Variants in TMEM117 observed in about 807,000 individuals in gnomAD.
TMEM117 encodes transmembrane protein 117.
TMEM117 carries 27 observed loss-of-function variants against 52.4 expected under a neutral mutation model. That is an observed-to-expected ratio of 0.51 (90% CI 0.38 to 0.71). The LOEUF is 0.71. Among genes scored for constraint, TMEM117 ranks in the 30% least tolerant of loss-of-function variants. The probability of loss-of-function intolerance (pLI) is 0.00; values close to 1 mark genes in which losing one functional copy is unlikely to be tolerated. For missense variants in TMEM117, 556 were observed against 630.5 expected (o/e 0.88, Z 1.26); for synonymous variants, 215 against 206.3 (o/e 1.04, Z -0.36).
At chr12:44,359,949 C>A (rs905580880) in intron 6 of TMEM117, among the ~76,000 whole-genome samples, 2 of 152,068 alleles carry the variant, frequency 1.3e-5, no homozygotes, top group Non-Finnish European at 2.9e-5. Context: ...AATTCAATTT[C>A]TTTGGTAGTA....
chr12:44,390,810 G>T (rs1226585341), downstream of TMEM117, among the ~76,000 whole-genome samples: 6 of 151,766 alleles, frequency 4.0e-5, no homozygotes, highest in Non-Finnish European at 4.4e-5. Flanking sequence ...TTCTTCTTTT[G>T]CTGCCTCTTT....
At chr12:44,066,121 T>C (rs1428013086) in intron 3 of TMEM117, among the ~76,000 whole-genome samples, 1 of 152,150 alleles carries the variant, frequency 6.6e-6, no homozygotes, top group Non-Finnish European at 1.5e-5. Flanking sequence ...ATTTGAACAG[T>C]TGGGCCCTTG....
chr12:43,938,800 A>T (rs1592377926), intron 2 of TMEM117, among the ~76,000 whole-genome samples: 3 of 152,126 alleles, frequency 2.0e-5, no homozygotes. Flanking sequence ...GGAGTTCCAG[A>T]CCAGCCTGGC....
chr12:44,200,389 G>A (rs1949479077), intron 4 of TMEM117, among the ~76,000 whole-genome samples: 1 of 152,058 alleles, frequency 6.6e-6, no homozygotes, highest in Non-Finnish European at 1.5e-5. Context: ...TTGTATTTGG[G>A]GAAGACATTA....
chr12:43,984,848 G>A (rs1165949204), intron 3 of TMEM117, among the ~76,000 whole-genome samples: 3 of 151,978 alleles, frequency 2.0e-5, no homozygotes, highest in Non-Finnish European at 4.4e-5. Flanking sequence ...CCCACATACC[G>A]AAATGTCTTT....
the TMEM117 span, among the ~76,000 whole-genome samples, chr12:43,829,827 C>T: frequency 3.3e-5 from 5 of 152,114 alleles, no homozygotes; most frequent in Non-Finnish European, 7.4e-5. Context: ...CAGTGGCTCA[C>T]GCCTGTAATC....
chr12:43,876,522 G>T (rs1943798762), intron 2 of TMEM117, among the ~76,000 whole-genome samples: 1 of 152,126 alleles, frequency 6.6e-6, no homozygotes, highest in African/African-American at 2.4e-5. Flanking sequence ...ACAATTTATA[G>T]AAATTTTGCA....
chr12:44,382,469 G>C (rs896091858), intron 7 of TMEM117, among the ~76,000 whole-genome samples: 5 of 152,110 alleles, frequency 3.3e-5, no homozygotes, highest in African/African-American at 4.8e-5. Context: ...TGGGCACATT[G>C]TCTCAGAGTT....
chr12:43,810,198 G>A, the TMEM117 span, among the ~76,000 whole-genome samples: 3 of 152,146 alleles, frequency 2.0e-5, no homozygotes, highest in Non-Finnish European at 4.4e-5. Flanking sequence ...ACCCTGGGTT[G>A]GAAAAGTGCC....
chr12:43,804,005 A>G, the TMEM117 span: 1 of 195,754 alleles, frequency 5.1e-6, no homozygotes, highest in Admixed American at 5.5e-5. Context: ...ATCAATTTGT[A>G]GTTTGTTATA....
In TMEM117 at chr12:43,836,118, G is replaced by A. The variant is rs1407981835; in HGVS notation, c.-107G>A. The A allele has an allele frequency of 6.6e-6, 1 of 151,956 alleles. No individual in the cohort carries two copies. Among genetic ancestry groups the A allele is most frequent in the African/African-American group, 2.4e-5 (1 of 41,398 alleles). 9.4% of individuals were successfully genotyped at this position (151,956 alleles called of 1,614,324 possible). ...GGCCCGTCTCGCCGCGCTTCCCAGC[G>A]AGGCCGCCGGCGCGCCGAGGGCTGT... On this transcript the variant is annotated 5_prime_UTR_variant, in exon 1 of 8. Coordinates refer to ENST00000266534, the MANE Select transcript of TMEM117 (RefSeq NM_032256.3).
At chr12:44,219,177 T>A (rs1565605427) in intron 5 of TMEM117, among the ~76,000 whole-genome samples, 1 of 152,192 alleles carries the variant, frequency 6.6e-6, no homozygotes, top group Non-Finnish European at 1.5e-5. Flanking sequence ...GACAAAGAAA[T>A]TGAAACAAAA....
chr12:44,235,382 T>A (rs1320112332), intron 5 of TMEM117, among the ~76,000 whole-genome samples: 1 of 151,586 alleles, frequency 6.6e-6, no homozygotes, highest in East Asian at 1.9e-4. Context: ...CTTTTTTTTT[T>A]TTGGACTGGG....
intron 7 of TMEM117, among the ~76,000 whole-genome samples, chr12:44,383,027 A>G (rs1004905291): frequency 7.2e-5 from 11 of 152,060 alleles, no homozygotes; most frequent in Admixed American, 2.0e-4. Flanking sequence ...TACTTATCCA[A>G]AATTCATCTT....
intron 3 of TMEM117, among the ~76,000 whole-genome samples, chr12:44,050,322 G>A (rs577876757): frequency 3.9e-5 from 6 of 152,206 alleles, no homozygotes; most frequent in East Asian, 1.9e-4. Context: ...GATTACAAGC[G>A]TGTACCACCA....
At chr12:44,043,380 G>A (rs953222796) in intron 3 of TMEM117, among the ~76,000 whole-genome samples, 2 of 152,184 alleles carry the variant, frequency 1.3e-5, no homozygotes, top group African/African-American at 4.8e-5. Flanking sequence ...TTAAAGTGAG[G>A]TCATTGATTG....
At chr12:44,379,063 C>A (rs1951982336) in intron 7 of TMEM117, among the ~76,000 whole-genome samples, 1 of 151,262 alleles carries the variant, frequency 6.6e-6, no homozygotes, top group Admixed American at 6.6e-5. Flanking sequence ...GCAGGAGGGT[C>A]ACTTGAACTC....
chr12:43,912,956 C>G (rs7957146), intron 2 of TMEM117, among the ~76,000 whole-genome samples: 24,160 of 152,044 alleles, frequency 0.16, 3,671 homozygotes, highest in African/African-American at 0.4. Context: ...CTATCCTAGG[C>G]TTTGAAACAT....
Position 44,299,685 on chromosome 12 carries a change from C to T in TMEM117, c.714C>T (p.Ser238=). ...GATTTTTGCCCAGTGATGAAGTTTC[C>T]AGAGCATTCCTTGCTTCTTTTATCT... The part of the protein sequence containing the change: ...NRGFLPSDEV[S]RAFLASFILV... The change falls in exon 6 of 8, where the codon TCC becomes TCT. Residue 238 remains serine (S), a synonymous_variant. Transcript: ENST00000266534. The T allele has an allele frequency of 6.2e-7, 1 of 1,614,150 alleles. No homozygotes were observed. Among genetic ancestry groups the T allele is most frequent in the Non-Finnish European group, 8.5e-7 (1 of 1,180,018 alleles).
Sources: allele counts gnomAD v4.1 joint callset (sites outside exome capture counted in the v4.1 genomes callset), GRCh38; gene constraint gnomAD v4.1.1; transcripts MANE v1.5; gene names NCBI Gene and HGNC (gene_info 2026-07-23, HGNC 2026-07-21).